The following SHBG variants were observed in gnomAD, a reference collection of about 807,000 sequenced individuals.
The protein encoded by SHBG is sex hormone-binding globulin.
In SHBG, 37 loss-of-function variants were observed where a neutral mutation model predicts 41.9. The ratio of observed to expected loss-of-function variants is 0.88; its 90% CI spans 0.68 to 1.16. The LOEUF (loss-of-function observed/expected upper bound fraction) is 1.16. SHBG is among the 50% of genes most tolerant of loss of function. The pLI is 0.00. For synonymous variants in SHBG, 217 were observed against 205.8 expected (o/e 1.05, Z -0.47); for missense variants, 466 against 499.9 (o/e 0.93, Z 0.65).
intron 6 of SHBG, among the ~76,000 whole-genome samples, 177 bp from the exon 7 acceptor site, chr17:7,632,575 G>T (rs1031120886): frequency 1.9e-4 from 29 of 152,172 alleles, no homozygotes; most frequent in Non-Finnish European, 5.9e-5. Context: ...GGCAGGTGTG[G>T]TTTCAAAAAG....
chr17:7,629,495 C>CG (rs112885647), upstream of SHBG, among the ~76,000 whole-genome samples: 10,903 of 152,040 alleles, frequency 0.072, 531 homozygotes, highest in Middle Eastern at 0.24. Flanking sequence ...AACTGAGAGG[C>CG]GGGGGGCAGG....
chr17:7,628,382 G>A (rs2072292414), upstream of SHBG, among the ~76,000 whole-genome samples: 1 of 151,348 alleles, frequency 6.6e-6, no homozygotes, highest in Non-Finnish European at 1.5e-5. Context: ...TCCTGTCTCA[G>A]CCTCCGGAGT....
At chr17:7,616,483 G>T (rs955314679) in intron 1 of SHBG, among the ~76,000 whole-genome samples, 1 of 148,510 alleles carries the variant, frequency 6.7e-6, no homozygotes, top group African/African-American at 2.5e-5. Flanking sequence ...AAATTAGCTG[G>T]GCGTGGTGGC....
chr17:7,615,374 A>G (rs1048313589), intron 1 of SHBG, among the ~76,000 whole-genome samples: 1 of 151,542 alleles, frequency 6.6e-6, no homozygotes, highest in East Asian at 1.9e-4. Context: ...CGCCGCAAGG[A>G]AAAAGGTGCT....
upstream of SHBG, chr17:7,630,046 G>T: frequency 1.3e-6 from 1 of 799,506 alleles, no homozygotes; most frequent in Non-Finnish European, 2.2e-6. This position sits in a 1 kb window ranked among gnomAD's most constrained non-coding sequence, Gnocchi z 4.6. Flanking sequence ...AAGGGTCAGT[G>T]CCCCTGTTTC....
chr17:7,623,855 G>C (rs912366148), upstream of SHBG, among the ~76,000 whole-genome samples: 7 of 151,972 alleles, frequency 4.6e-5, no homozygotes, highest in African/African-American at 1.7e-4. Context: ...TCGACCTCTA[G>C]GGTTCAGGTG....
intron 1 of SHBG, among the ~76,000 whole-genome samples, chr17:7,620,093 A>G (rs2150956596): frequency 6.6e-6 from 1 of 151,728 alleles, no homozygotes; most frequent in Admixed American, 6.6e-5. Flanking sequence ...CCTGTCTCTA[A>G]AAAAGTAAAG....
Position 7,631,306 on chromosome 17 carries a change from T to C in SHBG, c.500T>C (p.Ile167Thr), listed in dbSNP as rs778906342. The C allele has an allele frequency of 1.2e-6, 2 of 1,613,918 alleles. No individual in the cohort carries two copies. Among genetic ancestry groups the C allele is most frequent in the Non-Finnish European group, 1.7e-6 (2 of 1,179,934 alleles). ...CCCCTGACCAGCAAACGCCATCCCA[T>C]CATGAGGATTGCGCTTGGGGGGCTG... Reference protein sequence around the residue: ...SGPLTSKRHPIMRIALGGLLF... With the variant: ...SGPLTSKRHPTMRIALGGLLF... Residue 167 changes from isoleucine to threonine, a missense_variant, in exon 4 of 8, where the codon ATC becomes ACC. Ile to Thr is a moderately conservative substitution (Grantham distance 89, BLOSUM62 -1). Transcript: ENST00000380450.
Position 7,630,257 on chromosome 17 carries a change from G to A in SHBG, c.85G>A (p.Ala29Thr). 1 of 1,608,850 alleles carries A rather than the reference G, an allele frequency of 6.2e-7. No individual in the cohort carries two copies. The highest frequency in any genetic ancestry group is 8.5e-7 in the Non-Finnish European group (1 of 1,177,584). The change falls in exon 1 of 8, where the codon GCC becomes ACC. Residue 29 changes from alanine (A) to threonine (T), a missense_variant. Coordinates refer to ENST00000380450, the MANE Select transcript of SHBG (RefSeq NM_001040.5). The surrounding 1 kb of genome is among the most constrained non-coding windows in gnomAD (Gnocchi z 4.6). ...ACTGCGTCACACCCGCCAGGGATGG[G>A]CCCTGAGACCTGTTCTCCCCACCCA... ...LLLRHTRQGW[A>T]LRPVLPTQSA...
In SHBG at chr17:7,630,317, A is replaced by G. The variant is rs922723100; in HGVS notation, c.111+34A>G. 6.3e-6 allele frequency: 10 copies of G among 1,595,110 alleles called. No individual in the cohort carries two copies. In the African/African-American group the frequency reaches 1.2e-4, roughly 19 times the overall value. ...GCGGGACAGGGCACTCAGCTCATGCAGTCTTCCCTTCTCTCCTCTGGCCCT... is the reference window on the plus strand; with the variant it reads ...GCGGGACAGGGCACTCAGCTCATGCGGTCTTCCCTTCTCTCCTCTGGCCCT... On this transcript the variant is annotated intron_variant, in intron 1 of 7. Transcript: ENST00000380450. This position sits in a 1 kb window ranked among gnomAD's most constrained non-coding sequence, Gnocchi z 4.6.
At chr17:7,618,035 A>G (rs1347922752) in intron 1 of SHBG, among the ~76,000 whole-genome samples, 2 of 152,096 alleles carry the variant, frequency 1.3e-5, no homozygotes, top group Non-Finnish European at 2.9e-5. Flanking sequence ...CCTGGCCAAC[A>G]TGGTGAAACC....
chr17:7,614,065 ATTC>A (rs2071906738), exon 1 of SHBG: 1 of 477,070 alleles, frequency 2.1e-6, no homozygotes, highest in African/African-American at 2.0e-5. Context: ...AAGAAAGACA[ATTC>A]TCCATGTGCT....
At chr17:7,626,238 G>A (rs915491778), upstream of SHBG, 5 of 557,984 alleles carry the variant, frequency 9.0e-6, no homozygotes, top group Middle Eastern at 1.4e-3. Flanking sequence ...ACCACATCAG[G>A]ACATGTAATT....
At position 7,631,668 on chromosome 17, in the gene SHBG, C is replaced by T. The variant is rs779751043; in HGVS notation, c.635C>T (p.Thr212Ile). Residue 212 changes from threonine to isoleucine, a missense_variant, in exon 5 of 8, where the codon ACT becomes ATT. By Grantham distance (89) the Thr-to-Ile change is moderately conservative. Transcript: ENST00000380450. ...KQAEISASAP[T>I]SLRSCDVESN... ...GCCGAGATCTCAGCATCTGCCCCCACTAGCCTCAGAAGCTGTGATGTAGAA... is the reference window on the plus strand; with the variant it reads ...GCCGAGATCTCAGCATCTGCCCCCATTAGCCTCAGAAGCTGTGATGTAGAA... 2 of 1,614,016 alleles carry T rather than the reference C, an allele frequency of 1.2e-6. No homozygotes were observed. Among genetic ancestry groups the T allele is most frequent in the African/African-American group, 1.3e-5 (1 of 74,948 alleles).
At chr17:7,619,355 A>T (rs974342534) in intron 1 of SHBG, among the ~76,000 whole-genome samples, 8 of 149,892 alleles carry the variant, frequency 5.3e-5, no homozygotes, top group African/African-American at 2.0e-4. Flanking sequence ...GCGCCATTGC[A>T]CTCCAGCCTG....
chr17:7,616,999 G>A (rs926416760), intron 1 of SHBG, among the ~76,000 whole-genome samples: 1 of 152,152 alleles, frequency 6.6e-6, no homozygotes, highest in African/African-American at 2.4e-5. Flanking sequence ...AAACTGTCAT[G>A]AAATAAGGGT....
chr17:7,625,783 C>T (rs532071313), upstream of SHBG, among the ~76,000 whole-genome samples: 5 of 151,532 alleles, frequency 3.3e-5, no homozygotes, highest in East Asian at 3.9e-4. Flanking sequence ...CCCAGCTACT[C>T]GGGAGTCTGA....
chr17:7,627,864 C>T (rs918123906), upstream of SHBG: 33 of 650,278 alleles, frequency 5.1e-5, no homozygotes, highest in Admixed American at 3.4e-4. The surrounding 1 kb of genome is among the most constrained non-coding windows in gnomAD (Gnocchi z 4.8). Flanking sequence ...ATAGCCCCAC[C>T]CCCTCGAATT....
At chr17:7,615,410 C>T (rs1181487382) in intron 1 of SHBG, among the ~76,000 whole-genome samples, 1 of 152,250 alleles carries the variant, frequency 6.6e-6, no homozygotes, top group Non-Finnish European at 1.5e-5. Flanking sequence ...GAGCTTTACC[C>T]TCTTCGCGTA....
Sources: gnomAD v4.1 joint callset for allele counts (sites outside exome capture counted in the v4.1 genomes callset) on GRCh38, gnomAD v4.1.1 for gene constraint, Gnocchi (gnomAD v3.1) non-coding constraint, MANE v1.5 for transcripts, NCBI Gene and HGNC (gene_info 2026-07-23, HGNC 2026-07-21) for gene names.